The following MBP variants were observed in gnomAD, a reference collection of about 807,000 sequenced individuals.
MBP encodes the protein Golli-MBP.
MBP carries 16 observed loss-of-function variants against 35.8 expected under a neutral mutation model. The ratio of observed to expected loss-of-function variants is 0.45; its 90% CI spans 0.30 to 0.68. MBP has a LOEUF of 0.68. MBP is among the 30% of genes least tolerant of loss of function. The probability of loss-of-function intolerance (pLI) is 0.08; values close to 1 mark genes in which losing one functional copy is unlikely to be tolerated. For missense variants in MBP, 380 were observed against 404.7 expected (o/e 0.94, Z 0.52); for synonymous variants, 143 against 159.6 (o/e 0.90, Z 0.78).
chr18:77,032,545 T>C (rs960309814), intron 3 of MBP, among the ~76,000 whole-genome samples: 3 of 151,924 alleles, frequency 2.0e-5, no homozygotes, highest in African/African-American at 7.3e-5. Context: ...GGGGACGGGG[T>C]CGGCGAGGCG....
chr18:77,023,969 C>A (rs1275111629), intron 3 of MBP, among the ~76,000 whole-genome samples: 8 of 152,234 alleles, frequency 5.3e-5, no homozygotes, highest in Non-Finnish European at 1.0e-4. Context: ...GTCCAACAAG[C>A]ATTGAACGTT....
intron 4 of MBP, among the ~76,000 whole-genome samples, chr18:77,008,916 T>C (rs1013752935): frequency 6.6e-6 from 1 of 152,034 alleles, no homozygotes; most frequent in African/African-American, 2.4e-5. Context: ...GTGTAAATGG[T>C]CCCCCCTTGC....
intron 3 of MBP, among the ~76,000 whole-genome samples, chr18:77,029,278 G>T (rs1455286907): frequency 6.7e-6 from 1 of 149,810 alleles, no homozygotes; most frequent in Non-Finnish European, 1.5e-5. Context: ...AGGCGTGGCG[G>T]CGCGCGCCTG....
intron 2 of MBP, among the ~76,000 whole-genome samples, chr18:77,071,115 C>G (rs1974426951): frequency 6.6e-6 from 1 of 152,106 alleles, no homozygotes; most frequent in Non-Finnish European, 1.5e-5. Context: ...TTCTAATCAT[C>G]ACAAAAAAGG....
chr18:77,005,957 A>G (rs1970944544), intron 4 of MBP: 1 of 152,284 alleles, frequency 6.6e-6, no homozygotes, highest in Non-Finnish European at 1.5e-5. Flanking sequence ...AGGACAGGTG[A>G]CGCTTTTGCC....
At chr18:76,980,697 T>G in intron 8 of MBP, 3 of 549,064 alleles carry the variant, frequency 5.5e-6, no homozygotes, top group Non-Finnish European at 6.5e-6. Context: ...TGGAATCGGA[T>G]TCCCAGGCCC....
chr18:76,980,519 C>G (rs748238952), intron 8 of MBP, 48 bp from the exon 9 acceptor site: 14 of 1,425,390 alleles, frequency 9.8e-6, no homozygotes. Flanking sequence ...GCAGGGTCCT[C>G]CCACACCAGC....
chr18:77,099,381 A>C (rs528212860), intron 2 of MBP, among the ~76,000 whole-genome samples: 8 of 144,430 alleles, frequency 5.5e-5, no homozygotes. Context: ...TATATCCTAG[A>C]GTGTGAGGAC....
intron 4 of MBP, among the ~76,000 whole-genome samples, chr18:76,994,417 G>T (rs1418829306): frequency 6.6e-6 from 1 of 152,212 alleles, no homozygotes; most frequent in Non-Finnish European, 1.5e-5. Context: ...CTTAGGGTTA[G>T]GTTAGGTTTC....
At chr18:77,069,114 C>T (rs1336000852) in intron 2 of MBP, 6 of 455,628 alleles carry the variant, frequency 1.3e-5, no homozygotes, top group Non-Finnish European at 2.7e-5. Context: ...GCGGTGAATA[C>T]TGTGAGAACA....
chr18:77,084,431 CCACA>C (rs60010988), intron 2 of MBP, among the ~76,000 whole-genome samples: 10,488 of 105,690 alleles, frequency 0.099, 688 homozygotes, highest in Middle Eastern at 0.15. Flanking sequence ...CCACACCACA[CCACA>C]CACACACACA....
intron 2 of MBP, 128 bp downstream of exon 2, chr18:77,105,083 G>A (rs1363162492): frequency 3.5e-6 from 2 of 566,488 alleles, no homozygotes; most frequent in South Asian, 2.3e-5. Context: ...CAAGGACCAG[G>A]CTTCCACCCA....
rs57104328 is a variant in MBP at position 77,131,081 on chromosome 18, ACG to A, written c.-26+1497_-26+1498del. ...ACAAAACACACACACGCGCGCACGCACGCGCACACACACACACACACACACAC... is the reference window on the plus strand; with the variant it reads ...ACAAAACACACACACGCGCGCACGCACGCACACACACACACACACACACAC... On this transcript the variant is annotated intron_variant, in intron 1 of 8. Transcript: ENST00000355994. This position sits in a 1 kb window ranked among gnomAD's most constrained non-coding sequence, Gnocchi z 5.5. Among the ~76,000 whole-genome samples the A allele has an allele frequency of 0.35, 30,770 of 87,556 alleles. 3,992 individuals are homozygous for A. Among genetic ancestry groups the A allele is most frequent in the African/African-American group, 0.4 (12,683 of 31,578 alleles). 57.4% of individuals were successfully genotyped at this position (87,556 alleles called of 152,430 possible).
intron 3 of MBP, among the ~76,000 whole-genome samples, chr18:77,027,125 A>G (rs1354720799): frequency 6.6e-6 from 1 of 152,200 alleles, no homozygotes; most frequent in African/African-American, 2.4e-5. Flanking sequence ...AAAGTTAGGG[A>G]TGAAAATGAC....
At chr18:77,046,411 A>G (rs560180086) in intron 3 of MBP, among the ~76,000 whole-genome samples, 2 of 152,354 alleles carry the variant, frequency 1.3e-5, no homozygotes, top group East Asian at 3.9e-4. Flanking sequence ...CGGAAGGGAA[A>G]TCCACTGGCA....
At chr18:77,088,277 C>T (rs1429874418) in intron 2 of MBP, among the ~76,000 whole-genome samples, 1 of 152,198 alleles carries the variant, frequency 6.6e-6, no homozygotes, top group African/African-American at 2.4e-5. Context: ...TGCCTTCCAG[C>T]TGCGTCCACG....
chr18:76,994,131 C>T (rs1001557193), intron 4 of MBP, among the ~76,000 whole-genome samples: 5 of 152,152 alleles, frequency 3.3e-5, no homozygotes, highest in African/African-American at 9.7e-5. Flanking sequence ...ATGGAAGAGA[C>T]GGGAAACTCT....
rs374512592 is a variant in MBP, at chr18:76,989,942, C to T, written c.681+14G>A. On this transcript the variant is annotated intron_variant, in intron 5 of 8. Transcript: ENST00000355994. The surrounding 1 kb of genome is among the most constrained non-coding windows in gnomAD (Gnocchi z 4.0). ...CCTCACAGTTGCTACCTCTTCCCAT[C>T]GATCGTCACTTACAATGTTCTTGAA... The T allele has an allele frequency of 1.3e-5, 21 of 1,604,068 alleles. No homozygotes were observed. The African/African-American group carries it at 2.0e-4, about 15-fold the overall frequency.
chr18:77,031,509 C>T (rs999195042), intron 3 of MBP, among the ~76,000 whole-genome samples: 10 of 152,228 alleles, frequency 6.6e-5, no homozygotes, highest in African/African-American at 1.9e-4. Flanking sequence ...GACCTGAAGC[C>T]GGTCAGGTTC....
Sources: gnomAD v4.1 joint callset for allele counts (sites outside exome capture counted in the v4.1 genomes callset) on GRCh38, gnomAD v4.1.1 for gene constraint, Gnocchi (gnomAD v3.1) non-coding constraint, MANE v1.5 for transcripts, NCBI Gene and HGNC (gene_info 2026-07-23, HGNC 2026-07-21) for gene names.